The following PEDS1 variants were observed in gnomAD, a reference collection of about 807,000 sequenced individuals.
PEDS1 encodes CarF homolog.
PEDS1 carries 14 observed loss-of-function variants against 35.2 expected under a neutral mutation model. The ratio of observed to expected loss-of-function variants is 0.40; its 90% CI spans 0.26 to 0.62. The LOEUF (loss-of-function observed/expected upper bound fraction) is 0.62. Ranked by LOEUF, PEDS1 falls within the 20% of genes least tolerant of loss-of-function variation. The pLI is 0.44. For missense variants in PEDS1, 260 were observed against 367.8 expected (o/e 0.71, Z 2.40); for synonymous variants, 152 against 152.0 (o/e 1.00, Z 0.00).
At chr20:50,147,258 G>A (rs2081355903) in intron 1 of PEDS1, among the ~76,000 whole-genome samples, 2 of 152,334 alleles carry the variant, frequency 1.3e-5, no homozygotes, top group South Asian at 2.1e-4. Context: ...TGAAAATCAC[G>A]TAAAATTCCT....
At chr20:50,134,802 C>T (rs888179888) in intron 2 of PEDS1, among the ~76,000 whole-genome samples, 24 of 152,188 alleles carry the variant, frequency 1.6e-4, no homozygotes, top group African/African-American at 5.5e-4. Context: ...CCTTTTTATG[C>T]GTAGACACAC....
At chr20:50,132,068 G>A (rs1312164325) in intron 2 of PEDS1, among the ~76,000 whole-genome samples, 2 of 152,104 alleles carry the variant, frequency 1.3e-5, no homozygotes, top group Admixed American at 1.3e-4. Flanking sequence ...GCCGGGTGTG[G>A]TGGCACACAC....
rs2081067404 is a variant in PEDS1 at position 50,123,360 on chromosome 20, G to A, written c.*1698C>T. On this transcript the variant is annotated 3_prime_UTR_variant, in exon 6 of 6. Coordinates refer to ENST00000371652, the MANE Select transcript of PEDS1 (RefSeq NM_199129.4). ...GGCTCACTGCAACCTTCACCTCCCG[G>A]GTTCAAATGATTCTCCTGCCTCTGC... 1.3e-5 allele frequency: 2 copies of A among 151,962 alleles called. No homozygotes were observed. The highest frequency in any genetic ancestry group is 2.4e-5 in the African/African-American group (1 of 41,344). 9.4% of individuals were successfully genotyped at this position (151,962 alleles called of 1,614,324 possible). A position where few individuals can be genotyped will look rare whatever the true frequency, so the allele number is the denominator to read the frequency against.
chr20:50,147,643 C>G (rs145967758), intron 1 of PEDS1, among the ~76,000 whole-genome samples: 1 of 152,216 alleles, frequency 6.6e-6, no homozygotes, highest in Non-Finnish European at 1.5e-5. Context: ...TCTCTCCCCA[C>G]GCCATGGAGA....
rs566770168 is a variant in PEDS1, at chr20:50,138,794, T to A, written c.241+4708A>T. ...GTGGCAGCTGGCAGCCGGCTCCCCC[T>A]GGGGGCAGCTTCGGCTTGGTTACCA... On this transcript the variant is annotated intron_variant, in intron 2 of 5. Coordinates refer to ENST00000371652, the MANE Select transcript of PEDS1 (RefSeq NM_199129.4). Among the ~76,000 whole-genome samples the A allele has an allele frequency of 7.9e-5, 12 of 152,160 alleles. No homozygotes were observed. The South Asian group carries it at 2.5e-3, about 31-fold the overall frequency.
At chr20:50,144,248 G>T (rs1444165947) in intron 1 of PEDS1, among the ~76,000 whole-genome samples, 3 of 152,202 alleles carry the variant, frequency 2.0e-5, no homozygotes, top group African/African-American at 7.2e-5. Flanking sequence ...GGCTCTCTCT[G>T]GAGACACCTA....
chr20:50,142,185 T>C (rs1302511170), intron 2 of PEDS1, among the ~76,000 whole-genome samples: 1 of 152,306 alleles, frequency 6.6e-6, no homozygotes, highest in African/African-American at 2.4e-5. Flanking sequence ...AAGTGACCGA[T>C]GGAAAACACC....
Position 50,129,493 on chromosome 20 carries a change from C to T in PEDS1, c.478+53G>A. 4.4e-6 allele frequency: 7 copies of T among 1,609,028 alleles called. No homozygotes were observed. Among genetic ancestry groups the T allele is most frequent in the East Asian group, 2.2e-5 (1 of 44,748 alleles). On this transcript the variant is annotated intron_variant, in intron 4 of 5. Transcript: ENST00000371652. This position sits in a 1 kb window ranked among gnomAD's most constrained non-coding sequence, Gnocchi z 4.2. ...TAAGCCCCAGAAGGCTCCTGGGGGT[C>T]GGCCTCTGCCCCCAAGGCCCCCTCC...
In PEDS1 at chr20:50,126,407, C is replaced by T. The variant is rs565244740; in HGVS notation, c.692-1228G>A. Among the ~76,000 whole-genome samples the T allele has an allele frequency of 3.3e-5, 5 of 152,306 alleles. No homozygotes were observed. The South Asian group carries it at 8.3e-4, about 25-fold the overall frequency. On this transcript the variant is annotated intron_variant, in intron 5 of 5. Transcript: ENST00000371652. ...TCCTAAATAGCCTGAATTCTAATCC[C>T]TCCACCTGCCTTCCAAGGAGCACAA...
chr20:50,153,393 T>C, intron 1 of PEDS1, 124 bp downstream of exon 1: 2 of 1,226,236 alleles, frequency 1.6e-6, no homozygotes, highest in Non-Finnish European at 2.0e-6. Flanking sequence ...AACTTGCTAT[T>C]TGCAAGTTAG....
chr20:50,148,210 C>T (rs1042690935), intron 1 of PEDS1, among the ~76,000 whole-genome samples: 1 of 152,218 alleles, frequency 6.6e-6, no homozygotes, highest in Non-Finnish European at 1.5e-5. Context: ...ACCCTCTGTC[C>T]CATCCTTCAG....
At chr20:50,142,063 G>A (rs1237399878) in intron 2 of PEDS1, among the ~76,000 whole-genome samples, 9 of 152,176 alleles carry the variant, frequency 5.9e-5, no homozygotes, top group Admixed American at 2.6e-4. Context: ...TGGGAGTGGA[G>A]ATAGTGTATT....
rs2081077481 is a variant in PEDS1 at position 50,124,404 on chromosome 20, G to C, written c.*654C>G. 1 of 152,650 alleles carries C rather than the reference G, an allele frequency of 6.6e-6. No individual in the cohort carries two copies. The allele number at this position is 152,650 out of a possible 1,614,324, so 9.5% of individuals were successfully genotyped here. ...ATGACCAAGATGCTCTGCAGGGGCT[G>C]TGCCCTGTGAAGACATCTTGGTATT... On this transcript the variant is annotated 3_prime_UTR_variant, in exon 6 of 6. Transcript: ENST00000371652.
chr20:50,132,222 AG>A (rs944995904), intron 2 of PEDS1, among the ~76,000 whole-genome samples: 4 of 152,148 alleles, frequency 2.6e-5, no homozygotes, highest in African/African-American at 9.7e-5. Flanking sequence ...AATAAATAAA[AG>A]GGAATGATGC....
rs2081049863 is a variant in PEDS1 at position 50,121,414 on chromosome 20, A to G, written c.*3644T>C. On this transcript the variant is annotated 3_prime_UTR_variant, in exon 6 of 6. Transcript: ENST00000371652. ...CCAGCTGTGTGACCTTGGGCATATT[A>G]CATGACCTCTGTGCCTCAGTTTCCC... 6.6e-6 allele frequency: 1 copy of G among 152,458 alleles called. No individual in the cohort carries two copies. Among genetic ancestry groups the G allele is most frequent in the Non-Finnish European group, 1.5e-5 (1 of 68,276 alleles). 9.4% of individuals were successfully genotyped at this position (152,458 alleles called of 1,614,324 possible).
chr20:50,146,505 C>T (rs1301305466), intron 1 of PEDS1, among the ~76,000 whole-genome samples: 1 of 152,150 alleles, frequency 6.6e-6, no homozygotes, highest in African/African-American at 2.4e-5. Context: ...CTGGGTGCCG[C>T]TCACCGACAT....
intron 2 of PEDS1, among the ~76,000 whole-genome samples, chr20:50,138,909 G>A (rs892700675): frequency 6.6e-6 from 1 of 152,176 alleles, no homozygotes. Flanking sequence ...TGAGGTAGTC[G>A]CTGGGCCCGT....
At chr20:50,142,682 G>GCCCCCCC (rs3091914) in intron 2 of PEDS1, among the ~76,000 whole-genome samples, 1 of 33,932 alleles carries the variant, frequency 2.9e-5, no homozygotes, top group Non-Finnish European at 5.6e-5. Flanking sequence ...CAAGTCATCC[G>GCCCCCCC]CCCCCCCCCC....
intron 2 of PEDS1, among the ~76,000 whole-genome samples, chr20:50,140,726 TC>T (rs1368309105): frequency 2.0e-5 from 3 of 152,226 alleles, no homozygotes; most frequent in African/African-American, 7.2e-5. Context: ...TAACTCGACA[TC>T]TTTTCGTGCT....
Sources: allele counts gnomAD v4.1 joint callset (sites outside exome capture counted in the v4.1 genomes callset), GRCh38; gene constraint gnomAD v4.1.1; non-coding constraint Gnocchi (gnomAD v3.1); transcripts MANE v1.5; gene names NCBI Gene and HGNC (gene_info 2026-07-23, HGNC 2026-07-21).